AP3B1: variants seen among roughly 807,000 people sequenced by gnomAD.
The protein encoded by AP3B1 is adaptor related protein complex 3 subunit beta 1, also known as AP-3 complex subunit beta-1.
A neutral mutation model predicts 132.5 loss-of-function variants in AP3B1; 61 were observed. The observed-to-expected ratio is 0.46, with a 90% confidence interval of 0.37 to 0.57. The LOEUF (loss-of-function observed/expected upper bound fraction) is 0.57, where lower values mean the gene tolerates loss of function less well. Ranked by LOEUF, AP3B1 falls within the 20% of genes least tolerant of loss-of-function variation. The pLI, the probability that AP3B1 is intolerant of heterozygous loss-of-function variation, is 0.00. For synonymous variants in AP3B1, 388 were observed against 438.3 expected, an observed-to-expected ratio of 0.89 and a Z score of 1.43; for missense variants, 1,120 against 1,289.4, an observed-to-expected ratio of 0.87 and a Z score of 2.01.
intron 7 of AP3B1, among the ~76,000 whole-genome samples, chr5:78,195,797 G>C (rs1299085694): frequency 6.6e-6 from 1 of 152,070 alleles, no homozygotes; most frequent in Non-Finnish European, 1.5e-5. Flanking sequence ...TCCAGCCTGG[G>C]CGACAAAGCA....
chr5:78,254,367 G>T (rs1196143275), intron 2 of AP3B1, among the ~76,000 whole-genome samples: 1 of 152,026 alleles, frequency 6.6e-6, no homozygotes, highest in Non-Finnish European at 1.5e-5. Context: ...GAAGGTTATA[G>T]AACATCAAGC....
intron 3 of AP3B1, among the ~76,000 whole-genome samples, chr5:78,233,596 T>C (rs374959198): frequency 1.2e-4 from 18 of 152,306 alleles, no homozygotes; most frequent in African/African-American, 4.3e-4. Context: ...AATTAGGAAA[T>C]ACAGAATATG....
chr5:78,267,000 G>A (rs2112561724), intron 2 of AP3B1, among the ~76,000 whole-genome samples: 1 of 152,064 alleles, frequency 6.6e-6, no homozygotes, highest in East Asian at 1.9e-4. Flanking sequence ...TTAATCAATT[G>A]TTTATGTTTT....
rs753890496 is a variant in AP3B1 at position 78,216,107 on chromosome 5, A to G, written c.734T>C (p.Ile245Thr). The G allele has an allele frequency of 3.7e-6, 6 of 1,614,080 alleles. No individual in the cohort carries two copies. The South Asian group carries it at 6.6e-5, about 18-fold the overall frequency. ...CCGAGCATATCGAGTTAGCATGTGG[A>G]TTATGACAACCTGCCCCCACTCTTC... is the stretch of plus-strand genomic sequence containing the variant. ...DVEEWGQVVI[I>T]HMLTRYARTQ... is the part of the protein sequence containing the mutation. The change falls in exon 7 of 27, where the codon ATC becomes ACC. Residue 245 changes from isoleucine (I) to threonine (T), a missense_variant. Physicochemically the swap from Ile to Thr is moderately conservative, Grantham distance 89. This residue lies in a region of AP3B1 where 906 missense variants were observed against 997.1 expected (regional missense o/e 0.91). Coordinates refer to ENST00000255194, the MANE Select transcript of AP3B1 (RefSeq NM_003664.5).
chr5:78,054,393 G>A (rs1748716262), intron 22 of AP3B1, among the ~76,000 whole-genome samples: 1 of 152,124 alleles, frequency 6.6e-6, no homozygotes, highest in African/African-American at 2.4e-5. Flanking sequence ...AGGGGAAGAA[G>A]GAATAGGAAG....
chr5:78,028,447 CAA>C (rs529821027), intron 24 of AP3B1, among the ~76,000 whole-genome samples: 6 of 132,676 alleles, frequency 4.5e-5, no homozygotes, highest in African/African-American at 8.2e-5. Flanking sequence ...GACTCCATCT[CAA>C]AAAAAAAAAA....
chr5:78,205,380 A>C (rs1007105024), intron 7 of AP3B1, among the ~76,000 whole-genome samples: 2 of 151,950 alleles, frequency 1.3e-5, no homozygotes, highest in South Asian at 4.1e-4. Context: ...ATAAAAACTA[A>C]ATCATTAAAT....
At chr5:78,122,418 C>T (rs982966744) in intron 17 of AP3B1, among the ~76,000 whole-genome samples, 53 of 152,320 alleles carry the variant, frequency 3.5e-4, no homozygotes, top group Admixed American at 3.3e-3. Context: ...TCCCTGTTTG[C>T]ACATGACATG....
chr5:78,267,466 T>C (rs1561210490), intron 2 of AP3B1, 54 bp downstream of exon 2: 1 of 917,562 alleles, frequency 1.1e-6, no homozygotes, highest in Non-Finnish European at 1.8e-6. Context: ...TATAATAATA[T>C]GATCACTGCT....
At chr5:78,102,473 A>C (rs541876955) in intron 20 of AP3B1, among the ~76,000 whole-genome samples, 9 of 152,254 alleles carry the variant, frequency 5.9e-5, no homozygotes, top group African/African-American at 2.2e-4. Context: ...AAAATGAACG[A>C]AACAGTATTT....
intron 15 of AP3B1, among the ~76,000 whole-genome samples, chr5:78,137,728 T>C (rs1365124336): frequency 1.4e-4 from 21 of 152,188 alleles, no homozygotes. Flanking sequence ...GTCTAGGATA[T>C]ACTCAAAACA....
chr5:78,166,177 C>T, intron 11 of AP3B1, among the ~76,000 whole-genome samples: 1 of 148,048 alleles, frequency 6.8e-6, no homozygotes, highest in Non-Finnish European at 1.5e-5. Flanking sequence ...ACACACAAAT[C>T]ATATTGTCGC....
intron 3 of AP3B1, among the ~76,000 whole-genome samples, chr5:78,230,893 G>A (rs1050638027): frequency 3.9e-5 from 6 of 152,002 alleles, no homozygotes; most frequent in Admixed American, 6.5e-5. Context: ...TGAGACGAGC[G>A]GATCACCTGA....
downstream of AP3B1, chr5:78,000,687 C>A (rs1431768306): frequency 6.6e-6 from 1 of 152,026 alleles, no homozygotes; most frequent in Non-Finnish European, 1.5e-5. Context: ...GATTGGTGTA[C>A]ATAAAATGTC....
At chr5:78,127,947 CA>C in intron 17 of AP3B1, 82 bp downstream of exon 17, 1 of 1,531,178 alleles carries the variant, frequency 6.5e-7, no homozygotes, top group Non-Finnish European at 9.0e-7. Context: ...TTCAACTCTC[CA>C]AAAAAGCTTT....
intron 22 of AP3B1, among the ~76,000 whole-genome samples, chr5:78,056,044 C>A (rs963664339): frequency 1.3e-5 from 2 of 152,060 alleles, no homozygotes. Context: ...TACTAGATAC[C>A]TACCTTCAGT....
intron 22 of AP3B1, among the ~76,000 whole-genome samples, chr5:78,072,510 C>T (rs2112165140): frequency 6.6e-6 from 1 of 151,994 alleles, no homozygotes; most frequent in African/African-American, 2.4e-5. Flanking sequence ...CTGAAATTTT[C>T]TGTTTTGTTT....
chr5:78,174,565 A>G (rs990144955), intron 11 of AP3B1, among the ~76,000 whole-genome samples: 4 of 152,206 alleles, frequency 2.6e-5, no homozygotes, highest in African/African-American at 9.6e-5. Context: ...GTAGAACAGC[A>G]AATATTGCTG....
chr5:78,147,537 TTTTC>T (rs962805343), intron 14 of AP3B1, among the ~76,000 whole-genome samples: 6 of 152,344 alleles, frequency 3.9e-5, no homozygotes, highest in African/African-American at 9.6e-5. Context: ...TTTACATTTG[TTTTC>T]TTTCTTTCTT....
Sources: gnomAD v4.1 joint callset for allele counts (sites outside exome capture counted in the v4.1 genomes callset) on GRCh38, gnomAD v4.1.1 for gene constraint, gnomAD v4.1.1 regional missense constraint, MANE v1.5 for transcripts, NCBI Gene and HGNC (gene_info 2026-07-23, HGNC 2026-07-21) for gene names.